Variants in SMCHD1 observed in about 807,000 individuals in gnomAD.
SMCHD1 encodes the protein structural maintenance of chromosomes flexible hinge domain-containing protein 1.
SMCHD1 carries 78 observed loss-of-function variants against 254.7 expected under a neutral mutation model. The observed-to-expected ratio is 0.31, with a 90% CI of 0.26 to 0.37. The LOEUF (loss-of-function observed/expected upper bound fraction) is 0.37, where lower values mean the gene tolerates loss of function less well. SMCHD1 is among the 10% of genes least tolerant of loss of function. The pLI, the probability that SMCHD1 is intolerant of heterozygous loss-of-function variation, is 1.00. For synonymous variants in SMCHD1, 766 were observed against 794.9 expected (o/e 0.96, Z 0.61); for missense variants, 1,840 against 2,408.1 (o/e 0.76, Z 4.94).
chr18:2,658,054 T>C (rs2073126703), intron 1 of SMCHD1, among the ~76,000 whole-genome samples: 1 of 152,182 alleles, frequency 6.6e-6, no homozygotes, highest in Non-Finnish European at 1.5e-5. Context: ...CCCAAAGTGC[T>C]GGGATTACTG....
chr18:2,728,626 G>A, intron 23 of SMCHD1, 30 bp downstream of exon 23: 2 of 1,603,294 alleles, frequency 1.2e-6, no homozygotes, highest in Non-Finnish European at 1.7e-6. Context: ...TTTAGATTGA[G>A]TCCCATTGTA....
chr18:2,683,109 T>C (rs1312757969), intron 5 of SMCHD1, among the ~76,000 whole-genome samples: 1 of 152,166 alleles, frequency 6.6e-6, no homozygotes, highest in Non-Finnish European at 1.5e-5. Flanking sequence ...TCAGTGAGCT[T>C]CTCCTTTCTC....
At chr18:2,717,688 G>A (rs1188417395) in intron 17 of SMCHD1, among the ~76,000 whole-genome samples, 11 of 152,126 alleles carry the variant, frequency 7.2e-5, no homozygotes, top group Admixed American at 5.9e-4. Flanking sequence ...CTATTGTACT[G>A]TTTCCAAGTG....
intron 28 of SMCHD1, 94 bp downstream of exon 28, chr18:2,740,915 G>T: frequency 1.5e-6 from 1 of 687,158 alleles, no homozygotes; most frequent in South Asian, 2.3e-5. Flanking sequence ...AAAAAAGTTT[G>T]ATTTTAGTTT....
intron 3 of SMCHD1, among the ~76,000 whole-genome samples, chr18:2,672,400 G>A (rs2073632762): frequency 6.6e-6 from 1 of 152,078 alleles, no homozygotes; most frequent in East Asian, 1.9e-4. Flanking sequence ...CTATTTTTTT[G>A]TATTTTTAAT....
chr18:2,767,764 T>G (rs1293918259), intron 37 of SMCHD1, among the ~76,000 whole-genome samples: 2 of 150,170 alleles, frequency 1.3e-5, no homozygotes, highest in South Asian at 4.2e-4. Context: ...CTGATTTTTG[T>G]TTTTTCAGTA....
intron 5 of SMCHD1, among the ~76,000 whole-genome samples, chr18:2,687,778 G>A (rs1276278108): frequency 6.6e-6 from 1 of 151,876 alleles, no homozygotes; most frequent in Non-Finnish European, 1.5e-5. Context: ...GCATCTTTCT[G>A]TTCTCTAATT....
intron 29 of SMCHD1, among the ~76,000 whole-genome samples, chr18:2,746,613 CTG>C (rs2075458347): frequency 6.6e-6 from 1 of 152,234 alleles, no homozygotes; most frequent in Admixed American, 6.5e-5. Context: ...TCATAGCAGA[CTG>C]TTAATTTTTC....
Position 2,718,198 on chromosome 18 carries a change from A to G in SMCHD1, c.2301A>G (p.Gln767=), listed in dbSNP as rs764847540. ...GNKEIISHIS[Q]HGGKWPYWFK... ...AAGAGATTATTTCGCATATTAGTCA[A>G]CATGGAGGAAAATGGCCTTACTGGT... Residue 767 remains glutamine (Q), a synonymous_variant, in exon 18 of 48, where the codon CAA becomes CAG. Transcript: ENST00000320876. This position sits in a 1 kb window ranked among gnomAD's most constrained non-coding sequence, Gnocchi z 4.6. 4 of 1,613,074 alleles carry G rather than the reference A, an allele frequency of 2.5e-6. No homozygotes were observed. Among genetic ancestry groups the G allele is most frequent in the East Asian group, 2.2e-5 (1 of 44,742 alleles).
chr18:2,777,783 T>C, intron 42 of SMCHD1, 23 bp from the exon 43 acceptor site: 1 of 1,344,416 alleles, frequency 7.4e-7, no homozygotes, highest in Non-Finnish European at 1.0e-6. Flanking sequence ...TTTAATATCT[T>C]TTTAAAATTT....
chr18:2,802,481 G>T, intron 47 of SMCHD1, 47 bp from the exon 48 acceptor site: 1 of 1,490,068 alleles, frequency 6.7e-7, no homozygotes, highest in Non-Finnish European at 9.1e-7. Flanking sequence ...TTCAGGGAAA[G>T]GAAACCTTTG....
chr18:2,658,962 A>AT (rs1206122742), intron 1 of SMCHD1, among the ~76,000 whole-genome samples: 5 of 151,830 alleles, frequency 3.3e-5, no homozygotes, highest in South Asian at 4.1e-4. Flanking sequence ...ACATATATAT[A>AT]TTTTTTACAC....
At chr18:2,705,042 A>T (rs562203093) in intron 13 of SMCHD1, among the ~76,000 whole-genome samples, 1 of 152,212 alleles carries the variant, frequency 6.6e-6, no homozygotes, top group Non-Finnish European at 1.5e-5. Flanking sequence ...GTAATGGAGT[A>T]AAGTGCTTTC....
chr18:2,694,686 CAGTT>C lies in SMCHD1; in HGVS notation c.1036_1039del (p.Leu346ArgfsTer46). ...AAATTATTTCCACCTTTGGACACGA[CAGTT>C]AGCGTAAGTAATTATATTTGGCTTA... On this transcript the variant is annotated frameshift_variant, in exon 8 of 48. Transcript: ENST00000320876. LOFTEE classifies it high-confidence loss of function. The C allele has an allele frequency of 6.2e-7, 1 of 1,610,712 alleles. No individual in the cohort carries two copies. Among genetic ancestry groups the C allele is most frequent in the Non-Finnish European group, 8.5e-7 (1 of 1,178,884 alleles).
At chr18:2,775,579 A>G (rs1315120631) in intron 41 of SMCHD1, among the ~76,000 whole-genome samples, 155 bp from the exon 42 acceptor site, 1 of 152,162 alleles carries the variant, frequency 6.6e-6, no homozygotes, top group African/African-American at 2.4e-5. Context: ...TACAATGTTT[A>G]ATATATTCAA....
At chr18:2,790,852 A>G (rs905374072) in intron 45 of SMCHD1, among the ~76,000 whole-genome samples, 3 of 152,240 alleles carry the variant, frequency 2.0e-5, no homozygotes, top group Non-Finnish European at 4.4e-5. Flanking sequence ...TATCCCAATT[A>G]TCTTTATCTA....
At chr18:2,784,334 T>C in intron 44 of SMCHD1, 116 bp from the exon 45 acceptor site, 1 of 880,810 alleles carries the variant, frequency 1.1e-6, no homozygotes, top group East Asian at 3.1e-5. Flanking sequence ...ACTAAGTTTT[T>C]GAAAATACTA....
intron 34 of SMCHD1, among the ~76,000 whole-genome samples, chr18:2,760,201 C>T (rs1380347946): frequency 1.3e-5 from 2 of 152,128 alleles, no homozygotes; most frequent in African/African-American, 4.8e-5. Flanking sequence ...AATTGATTCA[C>T]AGTAAATACC....
Position 2,688,640 on chromosome 18 carries a change from C to G in SMCHD1, c.766C>G (p.Pro256Ala). 1 of 1,557,830 alleles carries G rather than the reference C, an allele frequency of 6.4e-7. No homozygotes were observed. Among genetic ancestry groups the G allele is most frequent in the Non-Finnish European group, 8.7e-7 (1 of 1,152,298 alleles). Residue 256 changes from proline (P) to alanine (A), a missense_variant, in exon 7 of 48, where the codon CCT (proline) becomes GCT (alanine). Physicochemically the swap from Pro to Ala is conservative, Grantham distance 27. Around this residue, in one of 9 missense-constraint regions of SMCHD1, gnomAD observed 498 missense variants for 743.5 expected, o/e 0.67. Transcript: ENST00000320876. ...VGQSARMISK[P>A]ADSQDVHELV... ...TAATATTTAACAGATGATAAGCAAA[C>G]CTGCAGATTCCCAAGATGTTCACGA...
Sources: allele counts gnomAD v4.1 joint callset (sites outside exome capture counted in the v4.1 genomes callset), GRCh38; gene constraint gnomAD v4.1.1; regional missense constraint gnomAD v4.1.1; non-coding constraint Gnocchi (gnomAD v3.1); transcripts MANE v1.5; gene names NCBI Gene and HGNC (gene_info 2026-07-23, HGNC 2026-07-21).